Variants in PLEKHA6 observed in about 807,000 individuals in gnomAD.
PLEKHA6 encodes the protein pleckstrin homology domain containing A6.
PLEKHA6 carries 60 observed loss-of-function variants against 116.7 expected under a neutral mutation model. That is an observed-to-expected ratio of 0.51 (90% CI 0.42 to 0.64). The LOEUF (loss-of-function observed/expected upper bound fraction) is 0.64, where lower values mean the gene tolerates loss of function less well. Among genes scored for constraint, PLEKHA6 ranks in the 30% least tolerant of loss-of-function variants. The pLI is 0.00. For missense variants in PLEKHA6, 1,338 were observed against 1,422.7 expected (o/e 0.94, Z 0.96); for synonymous variants, 489 against 556.1 (o/e 0.88, Z 1.70).
chr1:204,241,668 G>C lies in PLEKHA6; in HGVS notation c.2302+17C>G. The stretch of plus-strand genomic sequence containing the variant: ...CATCCTTGCCTTACTTCTAGGGGAA[G>C]ATGGGACAGAAAGTACCTTTGTTGA... On this transcript the variant is annotated intron_variant, in intron 16 of 22. Transcript: ENST00000272203. 1 of 1,565,440 alleles carries C rather than the reference G, an allele frequency of 6.4e-7. No homozygotes were observed. Among genetic ancestry groups the C allele is most frequent in the South Asian group, 1.2e-5 (1 of 81,568 alleles).
At chr1:204,279,007 CT>C (rs925059599) in intron 1 of PLEKHA6, among the ~76,000 whole-genome samples, 1 of 152,164 alleles carries the variant, frequency 6.6e-6, no homozygotes, top group African/African-American at 2.4e-5. Context: ...CTTCTGCCCC[CT>C]CGCCCCCTCA....
chr1:204,278,188 T>C (rs1000758409), intron 1 of PLEKHA6, among the ~76,000 whole-genome samples: 1 of 152,214 alleles, frequency 6.6e-6, no homozygotes, highest in Non-Finnish European at 1.5e-5. Flanking sequence ...GCAAGGGCCT[T>C]CCGAAGGTCA....
chr1:204,234,974 AT>A (rs760387268), intron 17 of PLEKHA6, among the ~76,000 whole-genome samples: 14,374 of 37,332 alleles, frequency 0.39, 2,339 homozygotes, highest in African/African-American at 0.52. Flanking sequence ...ATATATATAT[AT>A]ATATATATAT....
chr1:204,262,782 T>A (rs145436404), intron 6 of PLEKHA6, among the ~76,000 whole-genome samples: 60 of 152,162 alleles, frequency 3.9e-4, no homozygotes, highest in African/African-American at 1.3e-3. Flanking sequence ...GTCCCCACCC[T>A]CCAGCAGAGG....
chr1:204,357,425 T>C (rs906623249), intron 1 of PLEKHA6, among the ~76,000 whole-genome samples: 19 of 152,232 alleles, frequency 1.2e-4, no homozygotes, highest in African/African-American at 4.1e-4. Flanking sequence ...CAACTTCTTT[T>C]CCTTCTGCTC....
chr1:204,347,937 G>T (rs1262727109), intron 1 of PLEKHA6, among the ~76,000 whole-genome samples: 1 of 152,068 alleles, frequency 6.6e-6, no homozygotes, highest in African/African-American at 2.4e-5. Flanking sequence ...CTTGCCAGCT[G>T]GTACCATCCT....
chr1:204,372,888 C>T (rs1000978670), intron 1 of PLEKHA6, among the ~76,000 whole-genome samples: 2 of 148,594 alleles, frequency 1.3e-5, no homozygotes, highest in African/African-American at 5.0e-5. Context: ...TGCAATCATA[C>T]AATCATACAT....
intron 1 of PLEKHA6, among the ~76,000 whole-genome samples, chr1:204,308,561 T>C (rs4297349): frequency 0.98 from 149,470 of 152,272 alleles, 73,361 homozygotes; most frequent in East Asian, 1. Flanking sequence ...AAGGATCCCA[T>C]CTGAGTCACA....
At chr1:204,253,833 C>CAAAAAAAAAAAAA (rs5780222) in intron 9 of PLEKHA6, among the ~76,000 whole-genome samples, 1 of 131,942 alleles carries the variant, frequency 7.6e-6, no homozygotes, top group African/African-American at 2.8e-5. Flanking sequence ...GATCTTGTCT[C>CAAAAAAAAAAAAA]AAAAAAAAAA....
intron 4 of PLEKHA6, 43 bp from the exon 5 acceptor site, chr1:204,267,590 A>G: frequency 6.5e-7 from 1 of 1,545,918 alleles, no homozygotes; most frequent in Non-Finnish European, 8.9e-7. Context: ...TGCAAGCTGG[A>G]CGTGGACGAG....
chr1:204,269,593 C>T (rs1159452250), intron 3 of PLEKHA6, among the ~76,000 whole-genome samples: 4 of 151,720 alleles, frequency 2.6e-5, no homozygotes, highest in Non-Finnish European at 5.9e-5. Flanking sequence ...TCTGTCCTCC[C>T]GACAATGGAC....
intron 1 of PLEKHA6, among the ~76,000 whole-genome samples, chr1:204,353,844 A>G (rs1259452610): frequency 1.3e-5 from 2 of 152,028 alleles, no homozygotes; most frequent in Non-Finnish European, 2.9e-5. Flanking sequence ...CACCCGCACC[A>G]CCCCACCAAA....
intron 1 of PLEKHA6, among the ~76,000 whole-genome samples, chr1:204,300,273 T>G (rs1311674455): frequency 6.6e-6 from 1 of 152,180 alleles, no homozygotes; most frequent in African/African-American, 2.4e-5. Context: ...CTCATGATCC[T>G]TGAGGACAAT....
chr1:204,361,904 C>A (rs1673568306), upstream of PLEKHA6, among the ~76,000 whole-genome samples: 1 of 152,352 alleles, frequency 6.6e-6, no homozygotes, highest in East Asian at 1.9e-4. Context: ...GACCCCAGCC[C>A]AAGCCCCCAC....
intron 8 of PLEKHA6, among the ~76,000 whole-genome samples, chr1:204,258,216 C>T (rs1457302718): frequency 1.3e-5 from 2 of 152,210 alleles, no homozygotes; most frequent in Middle Eastern, 3.4e-3. Context: ...CTACCAGGCA[C>T]CTGAAGGAGG....
intron 1 of PLEKHA6, among the ~76,000 whole-genome samples, chr1:204,354,508 T>C (rs3014613): frequency 0.88 from 134,543 of 152,276 alleles, 59,523 homozygotes; most frequent in African/African-American, 0.92. Flanking sequence ...GTTCAGTAAC[T>C]GACATTTGTG....
At chr1:204,281,426 G>A (rs547130588) in intron 1 of PLEKHA6, among the ~76,000 whole-genome samples, 8 of 152,262 alleles carry the variant, frequency 5.3e-5, no homozygotes, top group Admixed American at 3.3e-4. Context: ...TCAGGAGGCT[G>A]AGGCAGGAGA....
At chr1:204,301,325 G>A (rs1383918628) in intron 1 of PLEKHA6, 1 of 959,442 alleles carries the variant, frequency 1.0e-6, no homozygotes, top group African/African-American at 1.8e-5. Flanking sequence ...GCAGCCTGGA[G>A]CTGGCTCCTG....
chr1:204,231,257 G>A (rs1008215028), intron 17 of PLEKHA6, among the ~76,000 whole-genome samples: 13 of 152,142 alleles, frequency 8.5e-5, no homozygotes, highest in East Asian at 7.7e-4. Context: ...GAGATGACTG[G>A]CAGAAATATG....
Sources: allele counts gnomAD v4.1 joint callset (sites outside exome capture counted in the v4.1 genomes callset), GRCh38; gene constraint gnomAD v4.1.1; transcripts MANE v1.5; gene names NCBI Gene and HGNC (gene_info 2026-07-23, HGNC 2026-07-21).